SGCD: variants seen among roughly 807,000 people sequenced by gnomAD.
SGCD encodes the protein sarcoglycan delta.
In SGCD, 18 loss-of-function variants were observed where a neutral mutation model predicts 36.6. The observed-to-expected ratio is 0.49, with a 90% CI of 0.34 to 0.73. The LOEUF is 0.73. Among genes scored for constraint, SGCD ranks in the 30% least tolerant of loss-of-function variants. The pLI is 0.01. For synonymous variants in SGCD, 133 were observed against 130.6 expected, an observed-to-expected ratio of 1.02 and a Z score of -0.12; for missense variants, 387 against 346.7, an observed-to-expected ratio of 1.12 and a Z score of -0.92.
In SGCD at chr5:155,921,963, G is replaced by A. The variant is rs143959243; in HGVS notation, c.-282+51539G>A. Among the ~76,000 whole-genome samples the A allele has an allele frequency of 7.6e-4, 115 of 152,308 alleles. 2 individuals carry two copies. The East Asian group carries it at 0.019, about 25-fold the overall frequency. ...TACTATGTGTAAGGACTAGAGACAC[G>A]TACTCTGGAAAGGGCAGTGGACTTG... On this transcript the variant is annotated intron_variant, in intron 1 of 9. Coordinates refer to the SGCD transcript ENST00000517913.
At chr5:156,480,942 G>A (rs181875125) in intron 3 of SGCD, among the ~76,000 whole-genome samples, 136 of 152,260 alleles carry the variant, frequency 8.9e-4, no homozygotes, top group Non-Finnish European at 1.4e-3. Flanking sequence ...TGGGAGGAGT[G>A]CTATAAAGTA....
intron 3 of SGCD, among the ~76,000 whole-genome samples, chr5:156,368,688 G>T (rs1561649546): frequency 6.6e-6 from 1 of 152,114 alleles, no homozygotes; most frequent in South Asian, 2.1e-4. Context: ...GGTGGCATTA[G>T]ATTCTCACAG....
At chr5:156,377,515 A>G (rs1400958658) in intron 3 of SGCD, among the ~76,000 whole-genome samples, 1 of 152,214 alleles carries the variant, frequency 6.6e-6, no homozygotes, top group Non-Finnish European at 1.5e-5. Flanking sequence ...GTTAAGCTCC[A>G]TGAAAGCAAG....
At chr5:156,358,087 G>T (rs1475375628) in intron 3 of SGCD, among the ~76,000 whole-genome samples, 2 of 152,154 alleles carry the variant, frequency 1.3e-5, no homozygotes, top group African/African-American at 4.8e-5. Context: ...CATCTGCCAT[G>T]TTAAGTAACC....
the SGCD span, among the ~76,000 whole-genome samples, chr5:155,862,731 G>A: frequency 2.6e-5 from 4 of 152,196 alleles, no homozygotes; most frequent in Non-Finnish European, 4.4e-5. Flanking sequence ...ATGAGAATAA[G>A]ACATGTGTGA....
intron 3 of SGCD, among the ~76,000 whole-genome samples, chr5:156,379,693 G>C (rs1770876434): frequency 6.6e-6 from 1 of 152,152 alleles, no homozygotes; most frequent in African/African-American, 2.4e-5. Flanking sequence ...GGATGAGGTA[G>C]AACACTATTA....
chr5:156,621,785 A>G (rs1280683844), intron 6 of SGCD, among the ~76,000 whole-genome samples: 1 of 152,232 alleles, frequency 6.6e-6, no homozygotes, highest in Admixed American at 6.5e-5. Flanking sequence ...AGAATGTCCA[A>G]ATATAAGAGG....
At chr5:156,180,378 T>G (rs770807872) in intron 3 of SGCD, among the ~76,000 whole-genome samples, 3 of 148,782 alleles carry the variant, frequency 2.0e-5, no homozygotes, top group Non-Finnish European at 4.5e-5. Flanking sequence ...AAGCAATAAA[T>G]TAAAATAAAA....
chr5:156,035,134 G>A (rs1759455219), intron 1 of SGCD, among the ~76,000 whole-genome samples: 1 of 152,112 alleles, frequency 6.6e-6, no homozygotes, highest in Non-Finnish European at 1.5e-5. Flanking sequence ...TAATCCTAAG[G>A]TGTTTCTTAA....
chr5:156,116,576 T>C (rs1260179212), intron 1 of SGCD, among the ~76,000 whole-genome samples: 3 of 152,110 alleles, frequency 2.0e-5, no homozygotes, highest in Non-Finnish European at 4.4e-5. Flanking sequence ...AAAACATGTT[T>C]ACAGTTTTTA....
intron 1 of SGCD, among the ~76,000 whole-genome samples, chr5:155,885,454 C>G (rs1461265588): frequency 2.8e-5 from 1 of 35,098 alleles, no homozygotes; most frequent in Non-Finnish European, 5.3e-5. Flanking sequence ...GTCTATGTAT[C>G]ATCAAAGTAA....
intron 7 of SGCD, among the ~76,000 whole-genome samples, chr5:156,736,463 T>C (rs188062542): frequency 6.6e-6 from 1 of 152,344 alleles, no homozygotes. Context: ...TGTATAACTT[T>C]TGAAGCTGAA....
At chr5:156,643,255 C>G (rs1000262185) in intron 6 of SGCD, among the ~76,000 whole-genome samples, 1 of 152,044 alleles carries the variant, frequency 6.6e-6, no homozygotes. Flanking sequence ...TGGTTTCGAA[C>G]TCCTGACCTC....
chr5:156,144,487 A>G (rs1762664254), intron 3 of SGCD, among the ~76,000 whole-genome samples: 1 of 152,210 alleles, frequency 6.6e-6, no homozygotes, highest in Non-Finnish European at 1.5e-5. Flanking sequence ...TCTGATGGCC[A>G]GTGATGGTGA....
chr5:155,945,919 A>T (rs971989769), intron 1 of SGCD, among the ~76,000 whole-genome samples: 1 of 152,208 alleles, frequency 6.6e-6, no homozygotes, highest in African/African-American at 2.4e-5. Flanking sequence ...TGAGGGAACC[A>T]GTTCAAGTGG....
rs139950793 is a variant in SGCD, at chr5:156,145,988, C to A, written c.-44+21969C>A. Among the ~76,000 whole-genome samples the A allele has an allele frequency of 7.2e-3, 1,101 of 152,150 alleles. 6 individuals are homozygous for A. Among genetic ancestry groups the A allele is most frequent in the Middle Eastern group, 0.048 (14 of 294 alleles). On this transcript the variant is annotated intron_variant, in intron 3 of 9. Transcript: ENST00000517913. ...CAGCACTTTGGGAGGCCAAGGTGGG[C>A]GGATCACGAGGTCAGGAGATCGAGA... is the stretch of plus-strand genomic sequence containing the variant.
chr5:156,332,178 A>T (rs1768098755), intron 2 of SGCD, among the ~76,000 whole-genome samples: 1 of 152,196 alleles, frequency 6.6e-6, no homozygotes, highest in African/African-American at 2.4e-5. Context: ...CACCCCTCTG[A>T]TGTTACCAGG....
intron 3 of SGCD, among the ~76,000 whole-genome samples, chr5:156,194,572 A>G (rs1475588637): frequency 1.3e-5 from 2 of 152,152 alleles, no homozygotes; most frequent in Non-Finnish European, 2.9e-5. Context: ...TTTTGCATAG[A>G]TAAGCTACAG....
intron 4 of SGCD, among the ~76,000 whole-genome samples, chr5:156,567,609 G>A (rs993153701): frequency 6.6e-6 from 1 of 152,050 alleles, no homozygotes; most frequent in African/African-American, 2.4e-5. Context: ...CTGAATCTAT[G>A]AGGCCTACCC....
Sources: gnomAD v4.1 joint callset for allele counts (sites outside exome capture counted in the v4.1 genomes callset) on GRCh38, gnomAD v4.1.1 for gene constraint, MANE v1.5 for transcripts, NCBI Gene and HGNC (gene_info 2026-07-23, HGNC 2026-07-21) for gene names.